The following DMD variants were observed in gnomAD, a reference collection of about 807,000 sequenced individuals.
The protein encoded by DMD is mutant dystrophin.
A neutral mutation model predicts 330.1 loss-of-function variants in DMD; 63 were observed. The observed-to-expected ratio is 0.19, with a 90% CI of 0.16 to 0.24. The LOEUF is 0.24. Among genes scored for constraint, DMD ranks in the 10% least tolerant of loss-of-function variants. The probability of loss-of-function intolerance (pLI) is 1.00; values close to 1 mark genes in which losing one functional copy is unlikely to be tolerated. For synonymous variants in DMD, 1,223 were observed against 959.8 expected (o/e 1.27, Z -5.07); for missense variants, 3,344 against 2,684.1 (o/e 1.25, Z -5.43).
chrX:32,566,157 A>G (rs1036129120), intron 15 of DMD, among the ~76,000 whole-genome samples: 5 of 112,188 alleles, frequency 4.5e-5, no homozygotes, highest in African/African-American at 1.3e-4. Flanking sequence ...ATATTTGAAG[A>G]AAATCCAAGT....
intron 1 of DMD, among the ~76,000 whole-genome samples, chrX:33,296,311 T>C (rs2053583291): frequency 9.0e-6 from 1 of 111,328 alleles, no homozygotes; most frequent in Admixed American, 9.6e-5. Context: ...AAAAGGCAGC[T>C]TTTTAAATTT....
Position 32,459,527 on chromosome X carries a change from C to T in DMD, c.3432+3912G>A, listed in dbSNP as rs924609209. Among the ~76,000 whole-genome samples the T allele has an allele frequency of 3.6e-5, 4 of 111,033 alleles. No homozygotes were observed. The East Asian group carries it at 8.5e-4, about 24-fold the overall frequency. On this transcript the variant is annotated intron_variant, in intron 25 of 78. Coordinates refer to ENST00000357033, the MANE Select transcript of DMD (RefSeq NM_004006.3). ...TGCCCAGTTTGAAAAGTGTACTTGA[C>T]TTCCAGATACATGTCTGATTGTCTT...
chrX:32,376,045 C>T (rs1179157122), intron 34 of DMD, among the ~76,000 whole-genome samples: 2 of 111,223 alleles, frequency 1.8e-5, no homozygotes, highest in Admixed American at 9.6e-5. Context: ...TTTGGGAGGC[C>T]GAGGCAGGTG....
At chrX:31,503,266 A>G (rs1603274236) in intron 56 of DMD, among the ~76,000 whole-genome samples, 1 of 112,526 alleles carries the variant, frequency 8.9e-6, no homozygotes, top group South Asian at 3.7e-4. Context: ...ATAAAGTGTG[A>G]TTGCAGAACT....
At chrX:31,609,134 C>CT (rs77518056) in intron 55 of DMD, among the ~76,000 whole-genome samples, 1,775 of 110,184 alleles carry the variant, frequency 0.016, 24 homozygotes, top group East Asian at 0.1. Context: ...GAGAATCTTA[C>CT]TTTTTTTTTC....
intron 41 of DMD, among the ~76,000 whole-genome samples, chrX:32,338,865 G>A (rs1348390479): frequency 9.0e-6 from 1 of 111,440 alleles, no homozygotes; most frequent in Admixed American, 9.6e-5. Context: ...TATTTCCTGT[G>A]TTTATTCTGT....
chrX:32,758,689 C>G (rs1366572536), intron 7 of DMD, among the ~76,000 whole-genome samples: 1 of 111,166 alleles, frequency 9.0e-6, no homozygotes, highest in Non-Finnish European at 1.9e-5. Flanking sequence ...TGCCCTCACA[C>G]AGGTATTCTC....
In DMD at chrX:31,348,518, G is replaced by T. The variant is rs72466561; in HGVS notation, c.9163+38C>A. The T allele has an allele frequency of 1.5e-3, 1,634 of 1,087,647 alleles. 21 individuals are homozygous for T. In the African/African-American group the frequency reaches 0.026, roughly 18 times the overall value. 89.6% of individuals were successfully genotyped at this position (1,087,647 alleles called of 1,213,427 possible). On this transcript the variant is annotated intron_variant, in intron 61 of 78. Transcript: ENST00000357033. ...AACTGTTATTCTTATTAATCAAGAT[G>T]CAATAAAGTTAAGTGATAAAAGCTG...
chrX:33,282,652 A>AGTCCT (rs1218679060), intron 1 of DMD, among the ~76,000 whole-genome samples: 1 of 112,175 alleles, frequency 8.9e-6, no homozygotes, highest in East Asian at 2.8e-4. Flanking sequence ...AGAGCATGGT[A>AGTCCT]GTCCTAAATC....
intron 38 of DMD, 128 bp downstream of exon 38, chrX:32,348,278 T>A: frequency 1.4e-6 from 1 of 694,279 alleles, no homozygotes; most frequent in Non-Finnish European, 2.2e-6. Context: ...TCTGCATTTA[T>A]AAAATTCATT....
At chrX:31,566,202 T>C (rs1211561172) in intron 55 of DMD, among the ~76,000 whole-genome samples, 1 of 111,993 alleles carries the variant, frequency 8.9e-6, no homozygotes, top group Non-Finnish European at 1.9e-5. Context: ...TTTCTCATTT[T>C]TCCCTAAATT....
rs915584775 is a variant in DMD, at chrX:31,256,863, G to A, written c.9286+4092C>T. 6.4e-5 allele frequency among the ~76,000 whole-genome samples: 7 copies of A among 109,453 alleles called. No individual in the cohort carries two copies. The South Asian group carries it at 1.2e-3, about 19-fold the overall frequency. On this transcript the variant is annotated intron_variant, in intron 63 of 78. Transcript: ENST00000357033. ...TAAGAAATGGAATGGGGGTATCGAC[G>A]AAGAAACTTTTTTACCAAACATCTA...
At chrX:31,989,203 A>G (rs1473986889) in intron 44 of DMD, among the ~76,000 whole-genome samples, 1 of 111,432 alleles carries the variant, frequency 9.0e-6, no homozygotes, top group East Asian at 2.8e-4. Flanking sequence ...TCAAATGTGA[A>G]TCTCTCCAGA....
At chrX:33,306,804 A>G (rs2053769586) in intron 1 of DMD, among the ~76,000 whole-genome samples, 1 of 111,337 alleles carries the variant, frequency 9.0e-6, no homozygotes, top group Admixed American at 9.6e-5. Context: ...GATGCAGCAT[A>G]GAGTAGATAT....
At chrX:32,074,226 G>T (rs1203301622) in intron 44 of DMD, among the ~76,000 whole-genome samples, 1 of 111,266 alleles carries the variant, frequency 9.0e-6, no homozygotes, top group African/African-American at 3.3e-5. Flanking sequence ...TGCAATTTTA[G>T]GACCAATGAA....
At chrX:33,217,478 T>C (rs1480908234) in intron 1 of DMD, among the ~76,000 whole-genome samples, 1 of 111,966 alleles carries the variant, frequency 8.9e-6, no homozygotes, top group African/African-American at 3.2e-5. Context: ...GTTTGTAGTA[T>C]ATAGATCTGG....
At chrX:33,188,994 T>A (rs2050395831) in intron 1 of DMD, among the ~76,000 whole-genome samples, 1 of 111,618 alleles carries the variant, frequency 9.0e-6, no homozygotes, top group Non-Finnish European at 1.9e-5. Context: ...AGAAAATAAA[T>A]TTCTGTTTAA....
intron 26 of DMD, among the ~76,000 whole-genome samples, chrX:32,448,853 T>A (rs188707318): frequency 2.8e-4 from 31 of 110,989 alleles, no homozygotes; most frequent in African/African-American, 1.0e-3. Flanking sequence ...ACAACAGATC[T>A]GTAACAAGAA....
intron 2 of DMD, among the ~76,000 whole-genome samples, chrX:32,940,912 A>T (rs1370689036): frequency 1.8e-5 from 2 of 111,634 alleles, no homozygotes; most frequent in Non-Finnish European, 3.8e-5. Flanking sequence ...TATCACACAA[A>T]GGTTCAATAT....
Sources: gnomAD v4.1 joint callset for allele counts (sites outside exome capture counted in the v4.1 genomes callset) on GRCh38, gnomAD v4.1.1 for gene constraint, MANE v1.5 for transcripts, NCBI Gene and HGNC (gene_info 2026-07-23, HGNC 2026-07-21) for gene names.